The following IFT81 variants were observed in gnomAD, a reference collection of about 807,000 sequenced individuals.
The protein encoded by IFT81 is intraflagellar transport protein 81 homolog.
A neutral mutation model predicts 102.6 loss-of-function variants in IFT81; 72 were observed. The observed-to-expected ratio is 0.70, with a 90% CI of 0.58 to 0.85. The LOEUF is 0.85. Ranked by LOEUF, IFT81 falls within the 40% of genes least tolerant of loss-of-function variation. The pLI is 0.00. For missense variants in IFT81, 723 were observed against 787.3 expected, an observed-to-expected ratio of 0.92 and a Z score of 0.98; for synonymous variants, 237 against 242.7, an observed-to-expected ratio of 0.98 and a Z score of 0.22.
intron 11 of IFT81, among the ~76,000 whole-genome samples, chr12:110,173,181 C>T (rs1256116336): frequency 4.7e-5 from 7 of 148,532 alleles, no homozygotes; most frequent in East Asian, 2.0e-4. Flanking sequence ...GTCAGCCCCC[C>T]GCCCAGCCAG....
Position 110,205,619 on chromosome 12 carries a change from G to A in IFT81, c.1741G>A (p.Ala581Thr), listed in dbSNP as rs1346288239. Reference sequence around the variant, plus strand: ...GAACCTAGAAGTTCAACTTCGTCGTGCTACTGATGAGATGAAGGCATATAT... The same window carrying A: ...GAACCTAGAAGTTCAACTTCGTCGTACTACTGATGAGATGAAGGCATATAT... ...IKNLEVQLRR[A>T]TDEMKAYISS... is the part of the protein sequence containing the mutation. Residue 581 changes from alanine (A) to threonine (T), a missense_variant, in exon 17 of 19, where the codon GCT becomes ACT. By Grantham distance (58) the Ala-to-Thr change is moderately conservative. Coordinates refer to ENST00000242591, the MANE Select transcript of IFT81 (RefSeq NM_014055.4). 6.2e-7 allele frequency: 1 copy of A among 1,603,422 alleles called. No individual in the cohort carries two copies.
At chr12:110,175,235 T>A (rs929571135) in intron 11 of IFT81, among the ~76,000 whole-genome samples, 1 of 152,232 alleles carries the variant, frequency 6.6e-6, no homozygotes, top group Non-Finnish European at 1.5e-5. Flanking sequence ...TTAAAAATTA[T>A]TTTTTTCCTT....
At chr12:110,155,601 C>G (rs1044263119) in intron 10 of IFT81, among the ~76,000 whole-genome samples, 1 of 152,076 alleles carries the variant, frequency 6.6e-6, no homozygotes, top group Non-Finnish European at 1.5e-5. Context: ...TGTGAGCCAC[C>G]GCGCCCGGCC....
At chr12:110,154,810 TC>T (rs1164204480) in intron 10 of IFT81, among the ~76,000 whole-genome samples, 1 of 152,142 alleles carries the variant, frequency 6.6e-6, no homozygotes, top group Non-Finnish European at 1.5e-5. Context: ...TTGGCCACAG[TC>T]TCACTCTGTC....
At chr12:110,189,022 A>G (rs191078598) in intron 12 of IFT81, among the ~76,000 whole-genome samples, 3 of 152,184 alleles carry the variant, frequency 2.0e-5, no homozygotes, top group East Asian at 3.9e-4. Context: ...TTGACCTAGT[A>G]GCAGCATTTA....
At chr12:110,135,240 T>C (rs1446453272) in intron 6 of IFT81, 87 bp from the exon 7 acceptor site, 1 of 842,546 alleles carries the variant, frequency 1.2e-6, no homozygotes, top group African/African-American at 1.7e-5. Flanking sequence ...CAAAAGGAAA[T>C]GATAAGTGGA....
intron 10 of IFT81, among the ~76,000 whole-genome samples, chr12:110,153,832 G>A (rs1342434364): frequency 1.3e-5 from 2 of 149,782 alleles, no homozygotes; most frequent in Non-Finnish European, 3.0e-5. Context: ...AGGTCAGGGT[G>A]GTCTTGAACT....
At chr12:110,193,821 G>T (rs552205649) in intron 14 of IFT81, among the ~76,000 whole-genome samples, 9 of 152,186 alleles carry the variant, frequency 5.9e-5, no homozygotes, top group Admixed American at 5.2e-4. Flanking sequence ...TTGAATATTA[G>T]AGCATCACAA....
chr12:110,151,075 T>A (rs1216940795), intron 10 of IFT81, among the ~76,000 whole-genome samples: 2 of 152,190 alleles, frequency 1.3e-5, no homozygotes, highest in African/African-American at 2.4e-5. Context: ...ACTTCAGTGG[T>A]ATTTTAGTGT....
intron 11 of IFT81, among the ~76,000 whole-genome samples, chr12:110,172,843 C>G (rs1896808263): frequency 6.6e-6 from 1 of 151,766 alleles, no homozygotes; most frequent in African/African-American, 2.4e-5. Flanking sequence ...TCTGCCTGGC[C>G]GCCCATCGTC....
intron 3 of IFT81, 21 bp from the exon 4 acceptor site, chr12:110,128,929 G>T: frequency 6.3e-7 from 1 of 1,599,198 alleles, no homozygotes; most frequent in Non-Finnish European, 8.6e-7. Flanking sequence ...GTGTGTTTGT[G>T]TATGTGTGTT....
In IFT81 at chr12:110,129,234, G is replaced by A. The variant is rs1894029173; in HGVS notation, c.429+104G>A. The A allele has an allele frequency of 3.6e-6, 3 of 831,022 alleles. No homozygotes were observed. The South Asian group carries it at 5.4e-5, about 15-fold the overall frequency. 51.5% of individuals were successfully genotyped at this position (831,022 alleles called of 1,614,324 possible). A position where few individuals can be genotyped will look rare whatever the true frequency, so the allele number is the denominator to read the frequency against. Reference sequence around the variant, plus strand: ...TTATTTGCTGTCTTTGTAGTTCCAAGTGGCACAAGAAGATAAAACTGTATC... The same window carrying A: ...TTATTTGCTGTCTTTGTAGTTCCAAATGGCACAAGAAGATAAAACTGTATC... On this transcript the variant is annotated intron_variant, in intron 4 of 18. Coordinates refer to ENST00000242591, the MANE Select transcript of IFT81 (RefSeq NM_014055.4).
chr12:110,172,531 C>T (rs1190272040), intron 11 of IFT81, among the ~76,000 whole-genome samples: 1 of 152,160 alleles, frequency 6.6e-6, no homozygotes, highest in South Asian at 2.1e-4. Flanking sequence ...CAATTGCAGG[C>T]GCGCGCCGCC....
chr12:110,188,552 G>T (rs1566156021), intron 12 of IFT81, among the ~76,000 whole-genome samples: 1 of 151,586 alleles, frequency 6.6e-6, no homozygotes, highest in Non-Finnish European at 1.5e-5. Context: ...GTCTTTCCTT[G>T]TCTTTCTTTC....
At chr12:110,216,359 A>C (rs1870122148) in intron 18 of IFT81, among the ~76,000 whole-genome samples, 1 of 151,634 alleles carries the variant, frequency 6.6e-6, no homozygotes, top group East Asian at 1.9e-4. Flanking sequence ...TGCCCAGATA[A>C]TTTTTTAATT....
intron 8 of IFT81, among the ~76,000 whole-genome samples, chr12:110,139,854 A>ATAAAAT (rs1894769610): frequency 3.7e-5 from 4 of 108,264 alleles, no homozygotes; most frequent in Middle Eastern, 8.3e-3. Flanking sequence ...AAATAAATAA[A>ATAAAAT]ATAAAATAAA....
chr12:110,146,762 A>G (rs1895247091), intron 9 of IFT81, among the ~76,000 whole-genome samples, 191 bp from the exon 10 acceptor site: 1 of 152,068 alleles, frequency 6.6e-6, no homozygotes, highest in South Asian at 2.1e-4. Flanking sequence ...TGAGCCCAGG[A>G]ATTCAAAATC....
chr12:110,159,173 G>A (rs1896007986), intron 10 of IFT81, among the ~76,000 whole-genome samples: 1 of 152,116 alleles, frequency 6.6e-6, no homozygotes, highest in South Asian at 2.1e-4. Context: ...AGGCTAAAGT[G>A]TAAAGTTAAG....
At chr12:110,143,596 C>T in intron 9 of IFT81, 51 bp downstream of exon 9, 1 of 1,422,758 alleles carries the variant, frequency 7.0e-7, no homozygotes, top group Non-Finnish European at 9.4e-7. Flanking sequence ...GATCCCCAGT[C>T]CTATAAAATT....
Sources: allele counts gnomAD v4.1 joint callset (sites outside exome capture counted in the v4.1 genomes callset), GRCh38; gene constraint gnomAD v4.1.1; transcripts MANE v1.5; gene names NCBI Gene and HGNC (gene_info 2026-07-23, HGNC 2026-07-21).